Variants in ZNF486 observed in about 807,000 individuals in gnomAD.
ZNF486 encodes KRAB box only protein 2.
A neutral mutation model predicts 12.8 loss-of-function variants in ZNF486; 12 were observed. The observed-to-expected ratio is 0.94, with a 90% CI of 0.60 to 1.52. ZNF486 has a LOEUF of 1.52. Among genes scored for constraint, ZNF486 ranks in the 40% most tolerant of loss-of-function variants. The pLI, the probability that ZNF486 is intolerant of heterozygous loss-of-function variation, is 0.00. For synonymous variants in ZNF486, 231 were observed against 184.9 expected (o/e 1.25, Z -2.02); for missense variants, 738 against 545.0 (o/e 1.35, Z -3.53).
intron 1 of ZNF486, among the ~76,000 whole-genome samples, chr19:20,178,172 C>A (rs1185965998): frequency 1.1e-4 from 17 of 152,130 alleles, no homozygotes; most frequent in African/African-American, 4.1e-4. Context: ...AGGTGATCCA[C>A]CCGCCTAGGC....
chr19:20,177,140 C>G (rs11882017), intron 1 of ZNF486: 12,067 of 152,300 alleles, frequency 0.079, 731 homozygotes, highest in African/African-American at 0.18. Flanking sequence ...GAGCTGTGCT[C>G]TGGGCTGTGC....
At chr19:20,186,781 T>A (rs1555716535) in intron 3 of ZNF486, among the ~76,000 whole-genome samples, 2 of 143,516 alleles carry the variant, frequency 1.4e-5, no homozygotes, top group South Asian at 4.4e-4. Flanking sequence ...AATATTTTCA[T>A]AGGTTTTTTT....
intron 3 of ZNF486, among the ~76,000 whole-genome samples, chr19:20,196,450 T>A (rs572262231): frequency 6.6e-6 from 1 of 152,302 alleles, no homozygotes; most frequent in South Asian, 2.1e-4. Flanking sequence ...TGCCTCAGCC[T>A]CCTGAGCAGT....
At chr19:20,190,708 T>G (rs1352851646) in intron 3 of ZNF486, among the ~76,000 whole-genome samples, 1 of 152,222 alleles carries the variant, frequency 6.6e-6, no homozygotes, top group East Asian at 1.9e-4. Flanking sequence ...TTAATAAAAC[T>G]TGGTATGTGT....
chr19:20,176,281 A>T, intron 1 of ZNF486: 1 of 187,076 alleles, frequency 5.3e-6, no homozygotes, highest in Non-Finnish European at 1.1e-5. Flanking sequence ...GGCTGGGAAG[A>T]GGTGCTCGTC....
At chr19:20,188,184 G>A (rs2089869051) in intron 3 of ZNF486, among the ~76,000 whole-genome samples, 1 of 152,016 alleles carries the variant, frequency 6.6e-6, no homozygotes. Flanking sequence ...AAACTATCTT[G>A]TTTAAGTGAG....
intron 2 of ZNF486, 111 bp downstream of exon 2, chr19:20,184,593 CT>C: frequency 8.5e-6 from 10 of 1,183,234 alleles, no homozygotes; most frequent in East Asian, 5.6e-5. Context: ...TCCAGATGTC[CT>C]TTTTCCAGAA....
intron 1 of ZNF486, among the ~76,000 whole-genome samples, chr19:20,172,439 C>T (rs556107192): frequency 6.6e-6 from 1 of 152,078 alleles, no homozygotes; most frequent in South Asian, 2.1e-4. Flanking sequence ...GCTGGGATTA[C>T]AGGCACCTGC....
At chr19:20,175,783 T>TC (rs1303399247) in intron 1 of ZNF486, among the ~76,000 whole-genome samples, 2 of 152,174 alleles carry the variant, frequency 1.3e-5, no homozygotes, top group African/African-American at 4.8e-5. Context: ...TCCGCACCTT[T>TC]CCCCCCTTTC....
intron 1 of ZNF486, 60 bp downstream of exon 1, chr19:20,167,420 G>A: frequency 6.3e-7 from 1 of 1,586,034 alleles, no homozygotes; most frequent in Non-Finnish European, 8.6e-7. Context: ...GGAAGTGGCT[G>A]TGGAGGGACT....
At chr19:20,185,926 T>A in intron 2 of ZNF486, 61 bp from the exon 3 acceptor site, 2 of 1,078,676 alleles carry the variant, frequency 1.9e-6, no homozygotes, top group Non-Finnish European at 1.3e-6. Flanking sequence ...GCTGAGCACA[T>A]TACTAGCTTG....
chr19:20,177,051 TCTC>T (rs1169905684), intron 1 of ZNF486: 8 of 152,346 alleles, frequency 5.3e-5, no homozygotes, highest in African/African-American at 1.4e-4. Flanking sequence ...GCCTGCAGGC[TCTC>T]CTCCTGCAGC....
rs1434924826 is a variant in ZNF486, at chr19:20,197,439, T to A, written c.729T>A (p.Cys243Ter). 2 of 1,613,598 alleles carry A rather than the reference T, an allele frequency of 1.2e-6. No homozygotes were observed. The highest frequency in any genetic ancestry group is 4.5e-5 in the East Asian group (2 of 44,840). ...TREKPYKCEE[C>*]GKVFKYFSSF... ...AGAAACCCTACAAATGTGAAGAATG[T>A]GGCAAAGTCTTTAAGTACTTCTCTA... is the stretch of plus-strand genomic sequence containing the variant. Residue 243 changes from cysteine to a stop codon, truncating the protein, a stop_gained, in exon 4 of 4, where the codon TGT (cysteine) becomes TGA (stop). Coordinates refer to ENST00000335117, the MANE Select transcript of ZNF486 (RefSeq NM_052852.4). LOFTEE classifies it low-confidence loss of function (END_TRUNC).
chr19:20,198,244 C>G lies in ZNF486; in HGVS notation c.*142C>G. 1.5e-6 allele frequency: 1 copy of G among 681,210 alleles called. No individual in the cohort carries two copies. Among genetic ancestry groups the G allele is most frequent in the Non-Finnish European group, 2.5e-6 (1 of 404,470 alleles). 42.2% of individuals were successfully genotyped at this position (681,210 alleles called of 1,614,324 possible). A position where few individuals can be genotyped will look rare whatever the true frequency, so the allele number is the denominator to read the frequency against. On this transcript the variant is annotated 3_prime_UTR_variant, in exon 4 of 4. Transcript: ENST00000335117. Reference sequence around the variant, plus strand: ...TAACTCTCCTTAGTAGCTAGGATTACAGGGCTGCACCACCACACCTGGCTA... The same window carrying G: ...TAACTCTCCTTAGTAGCTAGGATTAGAGGGCTGCACCACCACACCTGGCTA...
chr19:20,188,438 T>A lies in ZNF486; in HGVS notation c.253+2356T>A, dbSNP rs2089871301. On this transcript the variant is annotated intron_variant, in intron 3 of 3. Transcript: ENST00000335117. Reference sequence around the variant, plus strand: ...GTGGCTCCCATCTGTAATCCCAGGATTTTGGGAGGCCAACACAGGAGGATC... The same window carrying A: ...GTGGCTCCCATCTGTAATCCCAGGAATTTGGGAGGCCAACACAGGAGGATC... The A allele has an allele frequency of 1.0e-5, 4 of 398,428 alleles. No homozygotes were observed. The Admixed American group carries it at 1.8e-4, about 18-fold the overall frequency. The allele number at this position is 398,428 out of a possible 1,614,324, so 24.7% of individuals were successfully genotyped here.
At chr19:20,195,633 T>C (rs2089950829) in intron 3 of ZNF486, among the ~76,000 whole-genome samples, 1 of 152,244 alleles carries the variant, frequency 6.6e-6, no homozygotes, top group Non-Finnish European at 1.5e-5. Flanking sequence ...ACAATCTTTA[T>C]AATATAGCTT....
chr19:20,184,339 G>C lies in ZNF486; in HGVS notation c.31-17G>C. 6.2e-7 allele frequency: 1 copy of C among 1,610,020 alleles called. No homozygotes were observed. The highest frequency in any genetic ancestry group is 1.3e-5 in the African/African-American group (1 of 74,872). Reference sequence around the variant, plus strand: ...ACGGCGACTTGGTGAAAATGTGTGTGTGTGTGTGTTTTTCAGGAATCATTG... The same window carrying C: ...ACGGCGACTTGGTGAAAATGTGTGTCTGTGTGTGTTTTTCAGGAATCATTG... On this transcript the variant is annotated splice_polypyrimidine_tract_variant and intron_variant, in intron 1 of 3. Coordinates refer to ENST00000335117, the MANE Select transcript of ZNF486 (RefSeq NM_052852.4).
At position 20,195,218 on chromosome 19, in the gene ZNF486, C is replaced by T. The variant is rs181656355; in HGVS notation, c.254-1746C>T. ...CAGTGTTGCTCTGTTTCCCAGGCCG[C>T]AGTACAGTGGTACAATCTCCACTCA... On this transcript the variant is annotated intron_variant, in intron 3 of 3. Coordinates refer to ENST00000335117, the MANE Select transcript of ZNF486 (RefSeq NM_052852.4). Among the ~76,000 whole-genome samples the T allele has an allele frequency of 2.1e-3, 315 of 152,248 alleles. 1 individual carries two copies. The highest frequency in any genetic ancestry group is 0.02 in the Middle Eastern group (6 of 294).
chr19:20,191,629 G>A (rs1390520784), intron 3 of ZNF486, among the ~76,000 whole-genome samples: 1 of 150,722 alleles, frequency 6.6e-6, no homozygotes, highest in Non-Finnish European at 1.5e-5. Flanking sequence ...AATTAGCCGG[G>A]CATGGTGGTG....
Sources: allele counts gnomAD v4.1 joint callset (sites outside exome capture counted in the v4.1 genomes callset), GRCh38; gene constraint gnomAD v4.1.1; transcripts MANE v1.5; gene names NCBI Gene and HGNC (gene_info 2026-07-23, HGNC 2026-07-21).